TDP1: variants seen among roughly 807,000 people sequenced by gnomAD.
TDP1 encodes tyrosyl-DNA phosphodiesterase 1.
Under a neutral mutation model 81.5 loss-of-function variants are expected in TDP1, and 64 were observed. The observed-to-expected ratio is 0.79, with a 90% CI of 0.64 to 0.97. TDP1 has a LOEUF of 0.97. Ranked by LOEUF, TDP1 falls within the 50% of genes least tolerant of loss-of-function variation. TDP1 has a pLI of 0.00. For synonymous variants in TDP1, 256 were observed against 264.3 expected, an observed-to-expected ratio of 0.97 and a Z score of 0.30; for missense variants, 723 against 743.8, an observed-to-expected ratio of 0.97 and a Z score of 0.33.
intron 3 of TDP1, 46 bp from the exon 4 acceptor site, chr14:89,966,101 G>A (rs1596506002): frequency 7.6e-7 from 1 of 1,319,960 alleles, no homozygotes; most frequent in African/African-American, 1.4e-5. Context: ...ATTATGACTA[G>A]AGGATTTTTG....
At chr14:89,984,808 T>C in intron 9 of TDP1, 125 bp downstream of exon 9, 1 of 1,585,508 alleles carries the variant, frequency 6.3e-7, no homozygotes, top group Non-Finnish European at 8.5e-7. Context: ...CAGGATGTGA[T>C]GAGGGGATGA....
Position 89,988,893 on chromosome 14 carries a change from ATTC to A in TDP1, c.1132-9_1132-7del. On this transcript the variant is annotated splice_polypyrimidine_tract_variant and intron_variant, in intron 10 of 16. Transcript: ENST00000335725. ...TTGAGTCACTTTAACATTCACTTTT[ATTC>A]TTTCCCAGCTTCTGAAAGACCATGC... The A allele has an allele frequency of 1.9e-6, 3 of 1,613,976 alleles. No individual in the cohort carries two copies. The highest frequency in any genetic ancestry group is 2.5e-6 in the Non-Finnish European group (3 of 1,179,884).
chr14:89,969,565 A>G (rs1354895367), intron 5 of TDP1, among the ~76,000 whole-genome samples: 1 of 152,226 alleles, frequency 6.6e-6, no homozygotes, highest in Non-Finnish European at 1.5e-5. Flanking sequence ...TTTTATTTCT[A>G]GGTGCTAGAT....
At chr14:90,006,726 A>G (rs1410861768) in intron 14 of TDP1, among the ~76,000 whole-genome samples, 3 of 152,062 alleles carry the variant, frequency 2.0e-5, no homozygotes, top group Non-Finnish European at 4.4e-5. Context: ...TTTAGTAGAG[A>G]TGGGGTTTCA....
At chr14:90,036,637 T>C (rs35948356) in intron 16 of TDP1, among the ~76,000 whole-genome samples, 5,953 of 152,134 alleles carry the variant, frequency 0.039, 382 homozygotes, top group African/African-American at 0.13. Context: ...TCTCCACAGA[T>C]CTATATTGAG....
chr14:89,979,654 G>C (rs1009440590), intron 7 of TDP1, among the ~76,000 whole-genome samples: 2 of 152,128 alleles, frequency 1.3e-5, no homozygotes, highest in African/African-American at 4.8e-5. Flanking sequence ...CTGAAGTGGG[G>C]TTGATCCTTA....
chr14:90,001,777 A>G (rs1897207451), intron 14 of TDP1, among the ~76,000 whole-genome samples: 1 of 152,176 alleles, frequency 6.6e-6, no homozygotes, highest in South Asian at 2.1e-4. Context: ...CTCAGCAGGC[A>G]TAATTATTTT....
At chr14:90,006,544 T>C (rs1286586209) in intron 14 of TDP1, among the ~76,000 whole-genome samples, 1 of 151,916 alleles carries the variant, frequency 6.6e-6, no homozygotes, top group Non-Finnish European at 1.5e-5. Flanking sequence ...CATGCCTAGC[T>C]AATTTTTTTT....
rs1329469792 is a variant in TDP1 at position 89,998,432 on chromosome 14, G to A, written c.1541+4949G>A. ...TATATATATATATATATGTATGTAT[G>A]TATGTATGTATATGTATATGTATAT... On this transcript the variant is annotated intron_variant, in intron 14 of 16. Transcript: ENST00000335725. Among the ~76,000 whole-genome samples the A allele has an allele frequency of 4.6e-3, 507 of 109,652 alleles. 28 individuals are homozygous for A. The highest frequency in any genetic ancestry group is 0.019 in the African/African-American group (454 of 23,970). The allele number at this position is 109,652 out of a possible 152,430, so 71.9% of individuals were successfully genotyped here.
chr14:89,993,441 C>T lies in TDP1; in HGVS notation c.1499C>T (p.Pro500Leu). ...CCACATATTAAGACATATATGAGGC[C>T]TTCTCCAGACTTCAGTAAAATTGCT... ...AMPHIKTYMR[P>L]SPDFSKIAWF... The change falls in exon 14 of 17, where the codon CCT (proline) becomes CTT (leucine). Residue 500 changes from proline (P) to leucine (L), a missense_variant. Pro to Leu is a moderately conservative substitution (Grantham distance 98). Transcript: ENST00000335725. The T allele has an allele frequency of 1.2e-6, 2 of 1,613,878 alleles. No homozygotes were observed. The highest frequency in any genetic ancestry group is 1.7e-6 in the Non-Finnish European group (2 of 1,179,868).
intron 10 of TDP1, among the ~76,000 whole-genome samples, 183 bp downstream of exon 10, chr14:89,985,393 T>C (rs1895445430): frequency 6.9e-6 from 1 of 144,760 alleles, no homozygotes; most frequent in African/African-American, 2.9e-5. Flanking sequence ...TTTTGCCTCT[T>C]TTATAGCTGT....
At chr14:89,964,965 A>G in intron 3 of TDP1, 1 of 372,068 alleles carries the variant, frequency 2.7e-6, no homozygotes, top group South Asian at 2.1e-5. Context: ...ATCAGAATCC[A>G]TGCTGTTTGC....
chr14:90,004,383 C>G (rs1041075871), intron 14 of TDP1, among the ~76,000 whole-genome samples: 7 of 152,206 alleles, frequency 4.6e-5, no homozygotes, highest in African/African-American at 1.7e-4. Flanking sequence ...AAGCCTCTCA[C>G]AAGTAATATA....
intron 16 of TDP1, among the ~76,000 whole-genome samples, chr14:90,041,556 T>C (rs1355883652): frequency 1.3e-5 from 2 of 152,224 alleles, no homozygotes; most frequent in Non-Finnish European, 2.9e-5. Context: ...CAGACCTTCC[T>C]GTGACCTACC....
chr14:90,000,417 T>C (rs1897088012), intron 14 of TDP1, among the ~76,000 whole-genome samples: 1 of 152,162 alleles, frequency 6.6e-6, no homozygotes. Flanking sequence ...GGAGTTCCGC[T>C]CTTATTGCCC....
At chr14:90,035,656 T>C (rs1442978346) in intron 16 of TDP1, among the ~76,000 whole-genome samples, 1 of 152,130 alleles carries the variant, frequency 6.6e-6, no homozygotes, top group East Asian at 1.9e-4. Context: ...ATCTATAAAG[T>C]ACTTATCTTC....
intron 14 of TDP1, among the ~76,000 whole-genome samples, chr14:90,017,919 G>A (rs1339072083): frequency 1.3e-5 from 2 of 152,144 alleles, no homozygotes; most frequent in African/African-American, 4.8e-5. Flanking sequence ...CTTGTGCAAA[G>A]GTTTCCTGTC....
intron 16 of TDP1, among the ~76,000 whole-genome samples, chr14:90,038,575 C>A (rs1555398561): frequency 6.6e-6 from 1 of 152,178 alleles, no homozygotes; most frequent in Non-Finnish European, 1.5e-5. Flanking sequence ...TGGTGGCTCA[C>A]ACCTGTAATC....
At chr14:89,988,875 A>G (rs768905420) in intron 10 of TDP1, 30 bp from the exon 11 acceptor site, 16 of 1,613,886 alleles carry the variant, frequency 9.9e-6, no homozygotes, top group South Asian at 9.9e-5. Context: ...TATTTGAGTC[A>G]CTTTAACATT....
Sources: allele counts gnomAD v4.1 joint callset (sites outside exome capture counted in the v4.1 genomes callset), GRCh38; gene constraint gnomAD v4.1.1; transcripts MANE v1.5; gene names NCBI Gene and HGNC (gene_info 2026-07-23, HGNC 2026-07-21).